CFAP44: variants seen among roughly 807,000 people sequenced by gnomAD.
CFAP44 encodes the protein cilia and flagella associated protein 44.
Under a neutral mutation model 216.2 loss-of-function variants are expected in CFAP44, and 134 were observed. The ratio of observed to expected loss-of-function variants is 0.62; its 90% CI spans 0.54 to 0.72. CFAP44 has a LOEUF of 0.72. CFAP44 is among the 30% of genes least tolerant of loss of function. The pLI is 0.00. For synonymous variants in CFAP44, 700 were observed against 727.6 expected (o/e 0.96, Z 0.61); for missense variants, 2,035 against 2,182.1 (o/e 0.93, Z 1.34).
chr3:113,307,849 A>G (rs1192060776), intron 29 of CFAP44, among the ~76,000 whole-genome samples: 1 of 152,120 alleles, frequency 6.6e-6, no homozygotes, highest in Non-Finnish European at 1.5e-5. Context: ...GCGTGATGGC[A>G]TGCGCCTGTA....
intron 2 of CFAP44, among the ~76,000 whole-genome samples, chr3:113,429,753 A>C (rs921233206): frequency 6.6e-6 from 1 of 151,478 alleles, no homozygotes; most frequent in African/African-American, 2.4e-5. Flanking sequence ...GTTTTCTTTT[A>C]GATTATTTAC....
chr3:113,344,726 A>C lies in CFAP44; in HGVS notation c.3066-14T>G, dbSNP rs1243084405. 10 of 1,492,618 alleles carry C rather than the reference A, an allele frequency of 6.7e-6. No homozygotes were observed. The highest frequency in any genetic ancestry group is 8.0e-6 in the Non-Finnish European group (9 of 1,130,150). 92.5% of individuals were successfully genotyped at this position (1,492,618 alleles called of 1,614,324 possible). ...GGATCTCGAAATCTGAAAAAATAAA[A>C]CAAGTATTTGCAGTAGTCACCATTT... is the stretch of plus-strand genomic sequence containing the variant. On this transcript the variant is annotated splice_polypyrimidine_tract_variant and intron_variant, in intron 22 of 34. Transcript: ENST00000393845.
In CFAP44 at chr3:113,330,064, G is replaced by A. The variant is rs371001516; in HGVS notation, c.4116+104C>T. On this transcript the variant is annotated intron_variant, in intron 26 of 34. Coordinates refer to ENST00000393845, the MANE Select transcript of CFAP44 (RefSeq NM_001164496.2). The stretch of plus-strand genomic sequence containing the variant: ...GGTAAGCTGGTCAGGGTTTGGGAAA[G>A]GTTCATGCAGAGAAATTTTAAATAA... The A allele has an allele frequency of 1.4e-5, 19 of 1,374,108 alleles. No individual in the cohort carries two copies. The African/African-American group carries it at 2.5e-4, about 18-fold the overall frequency. 85.1% of individuals were successfully genotyped at this position (1,374,108 alleles called of 1,614,324 possible).
chr3:113,333,461 T>C lies in CFAP44; in HGVS notation c.3560A>G (p.His1187Arg), dbSNP rs1278430099. Reference sequence around the variant, plus strand: ...CTTCTTGGCAGCATTTATTCTCATGTGCTCAGGTATCTTGTAGTCTGGGGC... The same window carrying C: ...CTTCTTGGCAGCATTTATTCTCATGCGCTCAGGTATCTTGTAGTCTGGGGC... ...KTAPDYKIPE[H>R]MRINAAKKEE... Residue 1187 changes from histidine to arginine, a missense_variant, in exon 25 of 35, where the codon CAC becomes CGC. His to Arg is a conservative substitution (Grantham distance 29). Coordinates refer to ENST00000393845, the MANE Select transcript of CFAP44 (RefSeq NM_001164496.2). 3.9e-5 allele frequency: 60 copies of C among 1,537,054 alleles called. No individual in the cohort carries two copies. The highest frequency in any genetic ancestry group is 5.1e-5 in the Non-Finnish European group (59 of 1,146,870).
rs117801399 is a variant in CFAP44, at chr3:113,300,022, C to A, written c.5078-3137G>T. 2.0e-4 allele frequency among the ~76,000 whole-genome samples: 30 copies of A among 152,314 alleles called. 1 individual carries two copies. The East Asian group carries it at 5.6e-3, about 28-fold the overall frequency. ...CTCCAGCCTGGAAGACAGAGTGAGA[C>A]CCTGTCTCAAAGAGAGAGAGGTCTT... On this transcript the variant is annotated intron_variant, in intron 32 of 34. Coordinates refer to ENST00000393845, the MANE Select transcript of CFAP44 (RefSeq NM_001164496.2).
chr3:113,418,764 G>A (rs1040753495), intron 5 of CFAP44, among the ~76,000 whole-genome samples: 5 of 151,816 alleles, frequency 3.3e-5, no homozygotes, highest in Admixed American at 2.0e-4. Context: ...GAAGTGCAAC[G>A]GCATGATCTC....
At chr3:113,412,211 G>A (rs761294256) in intron 6 of CFAP44, among the ~76,000 whole-genome samples, 6 of 152,126 alleles carry the variant, frequency 3.9e-5, no homozygotes, top group Non-Finnish European at 8.8e-5. Context: ...TAGGAAAAGA[G>A]GAACTCAAAT....
At position 113,291,426 on chromosome 3, in the gene CFAP44, G is replaced by A. The variant is rs979306487; in HGVS notation, c.*131C>T. 6.5e-5 allele frequency: 69 copies of A among 1,060,788 alleles called. No individual in the cohort carries two copies. The highest frequency in any genetic ancestry group is 6.4e-5 in the African/African-American group (4 of 62,720). 65.7% of individuals were successfully genotyped at this position (1,060,788 alleles called of 1,614,324 possible). ...AGAGAGATTCTTAAAGTGACTTAAC[G>A]TGACTGGATCTGGTTTTACACTTTC... On this transcript the variant is annotated 3_prime_UTR_variant, in exon 35 of 35. Transcript: ENST00000393845.
At position 113,288,608 on chromosome 3, in the gene CFAP44, A is replaced by AT. The variant is rs142306471; in HGVS notation, c.*2948dup. The AT allele has an allele frequency of 1.3e-5, 2 of 152,076 alleles. No individual in the cohort carries two copies. Among genetic ancestry groups the AT allele is most frequent in the Admixed American group, 6.5e-5 (1 of 15,270 alleles). 9.4% of individuals were successfully genotyped at this position (152,076 alleles called of 1,614,324 possible). On this transcript the variant is annotated 3_prime_UTR_variant, in exon 35 of 35. Transcript: ENST00000393845. ...ACCTTCTAGCCCCACTGGTTTTTAC[A>AT]TTTTTTCCTTTTTCTCCTTGATGAT...
intron 24 of CFAP44, among the ~76,000 whole-genome samples, chr3:113,338,243 G>A (rs183381188): frequency 5.3e-5 from 5 of 94,054 alleles, no homozygotes; most frequent in East Asian, 3.7e-4. Context: ...GACAACACAC[G>A]AGACAATGTC....
intron 24 of CFAP44, among the ~76,000 whole-genome samples, chr3:113,341,109 T>C (rs1950329481): frequency 1.3e-5 from 2 of 152,226 alleles, no homozygotes; most frequent in African/African-American, 4.8e-5. Flanking sequence ...CAGCCACTTC[T>C]GTGTCTGCCT....
In CFAP44 at chr3:113,291,742, C is replaced by T. The variant is rs1467767134; in HGVS notation, c.5380G>A (p.Ala1794Thr). ...TCTGCTTCCCGAGGGCCCTGGAAGG[C>T]ATTGCCCTGTTGAAAGAAAACAGCT... ...LNTLQNQQGNAFQGPREADVV... is the reference protein window; with the variant it reads ...LNTLQNQQGNTFQGPREADVV... Residue 1794 changes from alanine (A) to threonine (T), a missense_variant, in exon 35 of 35, where the codon GCC (alanine) becomes ACC (threonine). By Grantham distance (58) the Ala-to-Thr change is moderately conservative (BLOSUM62 0). Around this residue, in one of 3 missense-constraint regions of CFAP44, gnomAD observed 1,883 missense variants for 2,023.7 expected, o/e 0.93. Transcript: ENST00000393845. 6.5e-7 allele frequency: 1 copy of T among 1,535,732 alleles called. No individual in the cohort carries two copies. Among genetic ancestry groups the T allele is most frequent in the East Asian group, 2.4e-5 (1 of 40,926 alleles).
intron 32 of CFAP44, among the ~76,000 whole-genome samples, chr3:113,302,616 C>T (rs934281570): frequency 1.3e-5 from 2 of 150,804 alleles, no homozygotes; most frequent in African/African-American, 2.4e-5. Flanking sequence ...CAAAAATGAG[C>T]CGGGCGTGGT....
intron 1 of CFAP44, among the ~76,000 whole-genome samples, chr3:113,434,265 G>A (rs1184343049): frequency 6.6e-6 from 1 of 152,150 alleles, no homozygotes; most frequent in African/African-American, 2.4e-5. Flanking sequence ...AAAACATGAT[G>A]GGGGGTTAGA....
intron 32 of CFAP44, among the ~76,000 whole-genome samples, chr3:113,299,595 G>A (rs936361600): frequency 1.3e-5 from 2 of 152,134 alleles, no homozygotes; most frequent in African/African-American, 4.8e-5. Flanking sequence ...TCAGTATATT[G>A]AAGAGATACC....
chr3:113,364,102 G>A (rs1337468204), intron 19 of CFAP44, among the ~76,000 whole-genome samples: 1 of 152,078 alleles, frequency 6.6e-6, no homozygotes, highest in Non-Finnish European at 1.5e-5. Context: ...CCTTCAGAAA[G>A]GAAATCAGTT....
rs1934952684 is a variant in CFAP44, at chr3:113,426,115, G to C, written c.407+9C>G. On this transcript the variant is annotated intron_variant, in intron 4 of 34. Transcript: ENST00000393845. ...CCCAAAATTATACATATTTAGCCAG[G>C]GTGGATACACAAGTGTGAGAAGATC... 1.2e-6 allele frequency: 2 copies of C among 1,612,906 alleles called. No homozygotes were observed. The highest frequency in any genetic ancestry group is 1.7e-6 in the Non-Finnish European group (2 of 1,179,450).
In CFAP44 at chr3:113,416,527, C is replaced by G; in HGVS notation, c.671G>C (p.Arg224Pro). Residue 224 changes from arginine to proline, a missense_variant and splice_region_variant, in exon 6 of 35, where the codon CGA (arginine) becomes CCA (proline). Around this residue, in one of 3 missense-constraint regions of CFAP44, gnomAD observed 1,883 missense variants for 2,023.7 expected, o/e 0.93. Transcript: ENST00000393845. ...YPSLRPYRVL[R>P]DGTEKGYAYV... ...TTTAAATATGCTTCTGGACTCACCTCGAAGGACTCTGTATGGTCTCAGAGA... is the reference window on the plus strand; with the variant it reads ...TTTAAATATGCTTCTGGACTCACCTGGAAGGACTCTGTATGGTCTCAGAGA... 6.2e-7 allele frequency: 1 copy of G among 1,601,062 alleles called. No individual in the cohort carries two copies. Among genetic ancestry groups the G allele is most frequent in the South Asian group, 1.1e-5 (1 of 89,876 alleles).
intron 30 of CFAP44, 80 bp from the exon 31 acceptor site, chr3:113,305,232 G>C: frequency 8.2e-7 from 1 of 1,225,784 alleles, no homozygotes; most frequent in Non-Finnish European, 1.2e-6. Context: ...AGGCATCTTG[G>C]GAGGAAGTAA....
Sources: allele counts gnomAD v4.1 joint callset (sites outside exome capture counted in the v4.1 genomes callset), GRCh38; gene constraint gnomAD v4.1.1; regional missense constraint gnomAD v4.1.1; transcripts MANE v1.5; gene names NCBI Gene and HGNC (gene_info 2026-07-23, HGNC 2026-07-21).